Variants in PIGT observed in about 807,000 individuals in gnomAD.
PIGT encodes the protein phosphatidylinositol glycan anchor biosynthesis class T, also known as GPI-anchor transamidase component PIGT.
PIGT carries 57 observed loss-of-function variants against 66.7 expected under a neutral mutation model. That is an observed-to-expected ratio of 0.86 (90% confidence interval 0.69 to 1.07). The LOEUF (loss-of-function observed/expected upper bound fraction) is 1.07. Among genes scored for constraint, PIGT ranks in the 50% least tolerant of loss-of-function variants. The pLI is 0.00. For missense variants in PIGT, 725 were observed against 740.4 expected, an observed-to-expected ratio of 0.98 and a Z score of 0.24; for synonymous variants, 362 against 320.5, an observed-to-expected ratio of 1.13 and a Z score of -1.38.
Position 45,420,347 on chromosome 20 carries a change from G to T in PIGT, c.785G>T (p.Arg262Leu). The change falls in exon 7 of 12, where the codon CGG becomes CTG. Residue 262 changes from arginine to leucine, a missense_variant. This residue lies in a region of PIGT where 559 missense variants were observed against 552.7 expected (regional missense o/e 1.01). Transcript: ENST00000279036. Reference protein sequence around the residue: ...GQGKKDWSLFRMFSRTLTEPC... With the variant: ...GQGKKDWSLFLMFSRTLTEPC... ...TGTTTCTCAGACTGGTCCCTCTTCC[G>T]GATGTTCTCCCGAACCCTCACGGAG... 6.2e-7 allele frequency: 1 copy of T among 1,612,954 alleles called. No individual in the cohort carries two copies. Among genetic ancestry groups the T allele is most frequent in the Non-Finnish European group, 8.5e-7 (1 of 1,179,590 alleles).
intron 4 of PIGT, 35 bp downstream of exon 4, chr20:45,419,430 G>GT (rs1990203845): frequency 5.0e-6 from 8 of 1,607,708 alleles, no homozygotes; most frequent in Middle Eastern, 1.6e-4. Context: ...GGGGGCGGGG[G>GT]GTGTATAGAG....
rs574732780 is a variant in PIGT, at chr20:45,425,839, C to A, written c.*13C>A. 4 of 1,607,844 alleles carry A rather than the reference C, an allele frequency of 2.5e-6. No homozygotes were observed. In the African/African-American group the frequency reaches 5.3e-5, roughly 22 times the overall value. On this transcript the variant is annotated 3_prime_UTR_variant, in exon 12 of 12. Transcript: ENST00000279036. ...CCCCCCACTCTGATTCTTGCCCTTT[C>A]CAGCAGCTGCAGCTGCCGTTTCTCT...
intron 9 of PIGT, chr20:45,421,869 G>A (rs1481572563): frequency 2.7e-6 from 1 of 373,096 alleles, no homozygotes; most frequent in East Asian, 5.2e-5. Context: ...CTCCTTTCTG[G>A]AGCATTGGGT....
At position 45,426,164 on chromosome 20, in the gene PIGT, G is replaced by A. The variant is rs938610178; in HGVS notation, c.*338G>A. 2.1e-5 allele frequency: 8 copies of A among 383,464 alleles called. No individual in the cohort carries two copies. The highest frequency in any genetic ancestry group is 2.9e-5 in the Non-Finnish European group (6 of 207,022). The allele number at this position is 383,464 out of a possible 1,614,324, so 23.8% of individuals were successfully genotyped here. A position where few individuals can be genotyped will look rare whatever the true frequency, so the allele number is the denominator to read the frequency against. ...GGCTGGCAGCACTGGCCAAGGTGAT[G>A]GGGTGTGCTACACAGTGTATGTCAC... On this transcript the variant is annotated 3_prime_UTR_variant, in exon 12 of 12. Coordinates refer to ENST00000279036, the MANE Select transcript of PIGT (RefSeq NM_015937.6).
chr20:45,418,232 C>T (rs1296393334), intron 2 of PIGT: 2 of 161,380 alleles, frequency 1.2e-5, no homozygotes, highest in Admixed American at 5.6e-5. Flanking sequence ...CCAGAGTATA[C>T]ACAGGGTAGT....
chr20:45,416,951 C>A, intron 2 of PIGT: 1 of 355,248 alleles, frequency 2.8e-6, no homozygotes. Flanking sequence ...GGAGGTAAGG[C>A]AGTAGAAAAC....
rs189563703 is a variant in PIGT at position 45,425,936 on chromosome 20, C to T, written c.*110C>T. 833 of 1,280,880 alleles carry T rather than the reference C, an allele frequency of 6.5e-4. No homozygotes were observed. Among genetic ancestry groups the T allele is most frequent in the Middle Eastern group, 2.2e-3 (8 of 3,610 alleles). The allele number at this position is 1,280,880 out of a possible 1,614,324, so 79.3% of individuals were successfully genotyped here. A position where few individuals can be genotyped will look rare whatever the true frequency, so the allele number is the denominator to read the frequency against. ...GAGTTGGCTTTTGAACCAAAGTGCC[C>T]TGGACCAGGTCAGGGCCTACAGCTG... On this transcript the variant is annotated 3_prime_UTR_variant, in exon 12 of 12. Transcript: ENST00000279036.
chr20:45,424,335 AAGT>A lies in PIGT; in HGVS notation c.1355_1357del (p.Lys452_Trp453delinsArg). ...CATCCAGTTTGAGCGGGCGCTGCTGAAGTGGACCGAGTACACGCCAGATCCTAA... is the reference window on the plus strand; with the variant it reads ...CATCCAGTTTGAGCGGGCGCTGCTGAGGACCGAGTACACGCCAGATCCTAA... On this transcript the variant is annotated inframe_deletion, in exon 10 of 12. Coordinates refer to ENST00000279036, the MANE Select transcript of PIGT (RefSeq NM_015937.6). 6.2e-7 allele frequency: 1 copy of A among 1,614,150 alleles called. No homozygotes were observed. The highest frequency in any genetic ancestry group is 8.5e-7 in the Non-Finnish European group (1 of 1,180,022).
In PIGT at chr20:45,416,587, C is replaced by G; in HGVS notation, c.258C>G (p.His86Gln). Residue 86 changes from histidine (H) to glutamine (Q), a missense_variant, in exon 2 of 12, where the codon CAC (histidine) becomes CAG (glutamine). Coordinates refer to ENST00000279036, the MANE Select transcript of PIGT (RefSeq NM_015937.6). Reference sequence around the variant, plus strand: ...CCAAGTATTCTCTACGGGAGCTGCACCTGTCATTCACACAAGGCTTTTGGA... The same window carrying G: ...CCAAGTATTCTCTACGGGAGCTGCAGCTGTCATTCACACAAGGCTTTTGGA... ...LISKYSLRELHLSFTQGFWRT... is the reference protein window; with the variant it reads ...LISKYSLRELQLSFTQGFWRT... 1 of 1,614,214 alleles carries G rather than the reference C, an allele frequency of 6.2e-7. No individual in the cohort carries two copies. The highest frequency in any genetic ancestry group is 1.1e-5 in the South Asian group (1 of 91,078).
rs61999304 is a variant in PIGT at position 45,424,217 on chromosome 20, T to C, written c.1236T>C (p.Ser412=). ...ITSKGKENKP[S]YIHYQPAQDR... is the part of the protein sequence containing the mutation. Reference sequence around the variant, plus strand: ...GTGGGTGACCTTGCATGTCTCCAGGTTACATCCACTACCAGCCTGCCCAGG... The same window carrying C: ...GTGGGTGACCTTGCATGTCTCCAGGCTACATCCACTACCAGCCTGCCCAGG... Residue 412 remains serine, a splice_region_variant and synonymous_variant, in exon 10 of 12, where the codon AGT becomes AGC. Coordinates refer to ENST00000279036, the MANE Select transcript of PIGT (RefSeq NM_015937.6). 3 of 1,613,956 alleles carry C rather than the reference T, an allele frequency of 1.9e-6. No homozygotes were observed. Among genetic ancestry groups the C allele is most frequent in the Non-Finnish European group, 2.5e-6 (3 of 1,179,924 alleles).
chr20:45,416,186 C>A lies in PIGT; in HGVS notation c.30C>A (p.Leu10=), dbSNP rs762653593. Residue 10 remains leucine (L), a synonymous_variant, in exon 1 of 12, where the codon CTC becomes CTA. Transcript: ENST00000279036. MAAAMPLAL[L]VLLLLGPGGW... ...CGGCGGCTATGCCGCTTGCTCTGCT[C>A]GTCCTGTTGCTCCTGGGGCCCGGCG... 14 of 1,584,826 alleles carry A rather than the reference C, an allele frequency of 8.8e-6. No individual in the cohort carries two copies. Among genetic ancestry groups the A allele is most frequent in the Non-Finnish European group, 9.4e-6 (11 of 1,166,982 alleles).
In PIGT at chr20:45,424,112, T is replaced by C. The variant is rs1304949707; in HGVS notation, c.1235-104T>C. ...CCTGGCTTCTATGCTCCCAAGCCCA[T>C]CTTCTAGGCACCCAGATTGAGGCTC... is the stretch of plus-strand genomic sequence containing the variant. On this transcript the variant is annotated intron_variant, in intron 9 of 11. Coordinates refer to ENST00000279036, the MANE Select transcript of PIGT (RefSeq NM_015937.6). 2.8e-6 allele frequency: 3 copies of C among 1,053,422 alleles called. No homozygotes were observed. In the East Asian group the frequency reaches 7.3e-5, roughly 26 times the overall value. The allele number at this position is 1,053,422 out of a possible 1,614,324, so 65.3% of individuals were successfully genotyped here. A position where few individuals can be genotyped will look rare whatever the true frequency, so the allele number is the denominator to read the frequency against.
At chr20:45,420,260 G>T in intron 6 of PIGT, 37 bp downstream of exon 6, 2 of 1,596,474 alleles carry the variant, frequency 1.3e-6, no homozygotes, top group Middle Eastern at 1.7e-4. Context: ...ACCCACCCAT[G>T]CCAGCCCTGC....
At chr20:45,425,143 CTT>C (rs1990640619) in intron 11 of PIGT, 133 of 16,014 alleles carry the variant, frequency 8.3e-3, no homozygotes, top group African/African-American at 0.022. Context: ...CTTTCTTTCT[CTT>C]TCTTTCTTTC....
Position 45,416,200 on chromosome 20 carries a change from TG to T in PIGT, c.48del (p.Gly18AlafsTer27). ...MPLALLVLLL[L>X]GPGGWCLAEP... ...CTTGCTCTGCTCGTCCTGTTGCTCC[TG>T]GGGCCCGGCGGCTGGTGCCTTGCAG... On this transcript the variant is annotated frameshift_variant, in exon 1 of 12. Coordinates refer to ENST00000279036, the MANE Select transcript of PIGT (RefSeq NM_015937.6). LOFTEE classifies it high-confidence loss of function. 1 of 1,591,226 alleles carries T rather than the reference TG, an allele frequency of 6.3e-7. No individual in the cohort carries two copies. The highest frequency in any genetic ancestry group is 8.5e-7 in the Non-Finnish European group (1 of 1,169,824).
intron 8 of PIGT, chr20:45,421,050 A>G (rs1377747143): frequency 2.0e-5 from 10 of 506,460 alleles, no homozygotes; most frequent in South Asian, 5.0e-5. Context: ...ATATAAGTCT[A>G]CTAGCTAGGG....
chr20:45,416,419 CTT>C, intron 1 of PIGT, 76 bp downstream of exon 1: 1 of 1,556,428 alleles, frequency 6.4e-7, no homozygotes, highest in Non-Finnish European at 8.7e-7. Context: ...TGAAGGCAAA[CTT>C]TGGGGGCGGG....
chr20:45,423,658 G>T, intron 9 of PIGT: 1 of 152,034 alleles, frequency 6.6e-6, no homozygotes. Flanking sequence ...CTTGTCTTTG[G>T]TGTGGTACTC....
intron 8 of PIGT, chr20:45,421,147 C>T (rs900561213): frequency 1.4e-4 from 81 of 566,758 alleles, no homozygotes; most frequent in Non-Finnish European, 3.8e-5. Context: ...GGATTGGGTT[C>T]GAAGGGGGCA....
Sources: allele counts gnomAD v4.1 joint callset, GRCh38; gene constraint gnomAD v4.1.1; regional missense constraint gnomAD v4.1.1; transcripts MANE v1.5; gene names NCBI Gene and HGNC (gene_info 2026-07-23, HGNC 2026-07-21).